Variants in NXT2 observed in about 807,000 individuals in gnomAD.
The protein encoded by NXT2 is NTF2-related export protein 2.
In NXT2, 1 loss-of-function variant was observed where a neutral mutation model predicts 9.6. The ratio of observed to expected loss-of-function variants is 0.10; its 90% confidence interval spans 0.04 to 0.49. The LOEUF (loss-of-function observed/expected upper bound fraction) is 0.49, where lower values mean the gene tolerates loss of function less well. Ranked by LOEUF, NXT2 falls within the 20% of genes least tolerant of loss-of-function variation. The pLI, the probability that NXT2 is intolerant of heterozygous loss-of-function variation, is 0.95. For missense variants in NXT2, 48 were observed against 100.3 expected (o/e 0.48, Z 2.23); for synonymous variants, 22 against 35.4 (o/e 0.62, Z 1.34).
Position 109,542,769 on chromosome X carries a change from T to A in NXT2, c.*81T>A. ...TGAATTATTTTGATTGTAGAAGCAC[T>A]ATAATATGTGCTGAAACTAAATTTC... On this transcript the variant is annotated 3_prime_UTR_variant, in exon 4 of 4. Coordinates refer to ENST00000372106, the MANE Select transcript of NXT2 (RefSeq NM_001242617.2). 1.3e-6 allele frequency: 1 copy of A among 747,824 alleles called. No individual in the cohort carries two copies. The highest frequency in any genetic ancestry group is 1.9e-6 in the Non-Finnish European group (1 of 525,622). The allele number at this position is 747,824 out of a possible 1,213,427, so 61.6% of individuals were successfully genotyped here. A position where few individuals can be genotyped will look rare whatever the true frequency, so the allele number is the denominator to read the frequency against.
At chrX:109,542,167 A>G (rs183973481) in intron 3 of NXT2, among the ~76,000 whole-genome samples, 1 of 111,535 alleles carries the variant, frequency 9.0e-6, no homozygotes, top group African/African-American at 3.2e-5. Context: ...ACAATAGTTT[A>G]AGAAGCAAAG....
chrX:109,537,298 TTCTC>T (rs1933301952), intron 1 of NXT2: 1 of 933,435 alleles, frequency 1.1e-6, no homozygotes, highest in Admixed American at 5.6e-5. Flanking sequence ...TGCAGTTTCT[TTCTC>T]TCGATTATCT....
intron 2 of NXT2, among the ~76,000 whole-genome samples, chrX:109,539,281 C>T (rs1933360273): frequency 1.8e-5 from 2 of 112,027 alleles, no homozygotes; most frequent in Non-Finnish European, 3.8e-5. Context: ...CATTGATGGG[C>T]ATTTGGGTTG....
rs1933458670 is a variant in NXT2, at chrX:109,543,310, G to A, written c.*622G>A. Reference sequence around the variant, plus strand: ...AGAGAGGTGCAAAACGTTCTCAGTTGATATCTGAGTATTGGGTGCATTTGG... The same window carrying A: ...AGAGAGGTGCAAAACGTTCTCAGTTAATATCTGAGTATTGGGTGCATTTGG... On this transcript the variant is annotated 3_prime_UTR_variant, in exon 4 of 4. Coordinates refer to ENST00000372106, the MANE Select transcript of NXT2 (RefSeq NM_001242617.2). 1 of 111,964 alleles carries A rather than the reference G, an allele frequency of 8.9e-6. No individual in the cohort carries two copies. The allele number at this position is 111,964 out of a possible 1,213,427, so 9.2% of individuals were successfully genotyped here. A position where few individuals can be genotyped will look rare whatever the true frequency, so the allele number is the denominator to read the frequency against.
chrX:109,537,354 G>A (rs1339102396), intron 1 of NXT2: 101 of 853,612 alleles, frequency 1.2e-4, no homozygotes, highest in Non-Finnish European at 1.4e-4. Context: ...CAAAGAAACT[G>A]GCGATTCATT....
chrX:109,536,723 C>A, upstream of NXT2: 1 of 676,390 alleles, frequency 1.5e-6, no homozygotes, highest in Non-Finnish European at 2.0e-6. Flanking sequence ...TTTACAAAAG[C>A]AAAGTGGCTT....
At chrX:109,536,118 G>C, upstream of NXT2, 3 of 449,647 alleles carry the variant, frequency 6.7e-6, no homozygotes, top group Admixed American at 4.2e-5. Flanking sequence ...ATCTCAACTA[G>C]TTTGTGACCG....
intron 3 of NXT2, among the ~76,000 whole-genome samples, chrX:109,542,021 T>C (rs748609392): frequency 9.0e-6 from 1 of 111,702 alleles, no homozygotes; most frequent in Non-Finnish European, 1.9e-5. Context: ...TACTCTGTTA[T>C]GTGAAAGGAT....
rs1280497200 is a variant in NXT2 at position 109,537,015 on chromosome X, G to A, written c.9G>A (p.Thr3=). 12 of 1,208,949 alleles carry A rather than the reference G, an allele frequency of 9.9e-6. No homozygotes were observed. The highest frequency in any genetic ancestry group is 5.3e-5 in the South Asian group (3 of 56,476). Residue 3 remains threonine, a synonymous_variant, in exon 1 of 4, where the codon ACG becomes ACA. Transcript: ENST00000372106. Reference sequence around the variant, plus strand: ...CTGCTACAAGGTCCCAGATGGCCACGTCTCTGGTGAGTGCCTGGGCCGTGG... The same window carrying A: ...CTGCTACAAGGTCCCAGATGGCCACATCTCTGGTGAGTGCCTGGGCCGTGG... MA[T]SLDFKTYVDQ...
At chrX:109,540,187 G>A (rs773847879) in intron 2 of NXT2, among the ~76,000 whole-genome samples, 4 of 111,088 alleles carry the variant, frequency 3.6e-5, no homozygotes, top group Non-Finnish European at 5.7e-5. Context: ...CAGGGAAAAG[G>A]GTTGTGACAA....
chrX:109,537,150 G>A, intron 1 of NXT2, 129 bp downstream of exon 1: 8 of 1,075,249 alleles, frequency 7.4e-6, no homozygotes, highest in East Asian at 3.6e-5. Context: ...TCTGCACTGC[G>A]GGGCGGGGCC....
chrX:109,536,711 T>C (rs1216277892), upstream of NXT2: 4 of 559,931 alleles, frequency 7.1e-6, no homozygotes, highest in East Asian at 1.8e-4. Flanking sequence ...TTGAGTATCA[T>C]GTTTACAAAA....
chrX:109,536,710 A>G, upstream of NXT2: 5 of 539,372 alleles, frequency 9.3e-6, no homozygotes, highest in Non-Finnish European at 1.3e-5. Context: ...GTTGAGTATC[A>G]TGTTTACAAA....
chrX:109,537,338 A>G, intron 1 of NXT2: 8 of 872,665 alleles, frequency 9.2e-6, no homozygotes, highest in Non-Finnish European at 1.1e-5. Context: ...ACTTTCAGTC[A>G]CCTGACAAAG....
chrX:109,540,230 A>G (rs1331706861), intron 2 of NXT2, among the ~76,000 whole-genome samples: 2 of 111,248 alleles, frequency 1.8e-5, no homozygotes, highest in Non-Finnish European at 3.8e-5. Flanking sequence ...TTGAATGTGT[A>G]TTGTACCTTA....
intron 1 of NXT2, chrX:109,537,345 A>G: frequency 3.5e-6 from 3 of 866,135 alleles, no homozygotes; most frequent in African/African-American, 4.2e-5. Flanking sequence ...GTCACCTGAC[A>G]AAGAAACTGG....
upstream of NXT2, chrX:109,536,044 G>A: frequency 1.1e-5 from 9 of 823,285 alleles, no homozygotes; most frequent in East Asian, 3.5e-5. Context: ...TGGGATGAGA[G>A]GTTTTTAAGG....
intron 2 of NXT2, among the ~76,000 whole-genome samples, chrX:109,540,336 A>AT (rs944366861): frequency 3.4e-4 from 37 of 107,427 alleles, no homozygotes; most frequent in Admixed American, 4.0e-4. Flanking sequence ...TTATTTATTT[A>AT]TTTTTTTTTG....
rs1569394267 is a variant in NXT2, at chrX:109,542,610, T to C, written c.351T>C (p.Thr117=). The part of the protein sequence containing the change: ...QHFFNQNFLL[T]AQSTPNNTVW... ...TCTTCAACCAGAACTTCCTGCTGAC[T>C]GCTCAGTCCACTCCCAACAATACTG... Residue 117 remains threonine, a synonymous_variant, in exon 4 of 4, where the codon ACT becomes ACC. Coordinates refer to ENST00000372106, the MANE Select transcript of NXT2 (RefSeq NM_001242617.2). 1 of 1,208,353 alleles carries C rather than the reference T, an allele frequency of 8.3e-7. No individual in the cohort carries two copies.
Sources: gnomAD v4.1 joint callset for allele counts (sites outside exome capture counted in the v4.1 genomes callset) on GRCh38, gnomAD v4.1.1 for gene constraint, MANE v1.5 for transcripts, NCBI Gene and HGNC (gene_info 2026-07-23, HGNC 2026-07-21) for gene names.